Variants in MACROD2 observed in about 807,000 individuals in gnomAD.
MACROD2 encodes ADP-ribose glycohydrolase MACROD2.
Under a neutral mutation model 70.4 loss-of-function variants are expected in MACROD2, and 36 were observed. The observed-to-expected ratio is 0.51, with a 90% CI of 0.39 to 0.68. MACROD2 has a LOEUF of 0.68. Among genes scored for constraint, MACROD2 ranks in the 30% least tolerant of loss-of-function variants. The pLI, the probability that MACROD2 is intolerant of heterozygous loss-of-function variation, is 0.00. For synonymous variants in MACROD2, 172 were observed against 178.8 expected, an observed-to-expected ratio of 0.96 and a Z score of 0.30; for missense variants, 496 against 538.4, an observed-to-expected ratio of 0.92 and a Z score of 0.78.
intron 6 of MACROD2, among the ~76,000 whole-genome samples, chr20:15,296,326 G>T (rs2077588410): frequency 6.6e-6 from 1 of 152,078 alleles, no homozygotes; most frequent in Non-Finnish European, 1.5e-5. Flanking sequence ...GACAGAAAAA[G>T]AATCTATTTA....
chr20:15,351,395 AT>A (rs2078225182), intron 6 of MACROD2, among the ~76,000 whole-genome samples: 1 of 152,208 alleles, frequency 6.6e-6, no homozygotes, highest in Non-Finnish European at 1.5e-5. Flanking sequence ...ATAGAAAAAA[AT>A]ATTTTACCAG....
intron 5 of MACROD2, among the ~76,000 whole-genome samples, chr20:14,878,611 C>T (rs1229787896): frequency 6.6e-6 from 1 of 152,118 alleles, no homozygotes; most frequent in East Asian, 1.9e-4. Flanking sequence ...TTAGTTAAAA[C>T]ACAAAAGCAA....
At chr20:14,933,302 T>C (rs1039997334) in intron 5 of MACROD2, among the ~76,000 whole-genome samples, 1 of 152,206 alleles carries the variant, frequency 6.6e-6, no homozygotes, top group Admixed American at 6.5e-5. Flanking sequence ...ATAATTAAAA[T>C]GCTAGCATTG....
intron 8 of MACROD2, among the ~76,000 whole-genome samples, chr20:15,803,953 A>AG (rs1415571047): frequency 6.6e-6 from 1 of 152,266 alleles, no homozygotes; most frequent in African/African-American, 2.4e-5. Context: ...TCTTAGAATT[A>AG]GGGAAAAAGC....
intron 4 of MACROD2, among the ~76,000 whole-genome samples, chr20:14,626,063 A>T (rs1185156690): frequency 6.6e-6 from 1 of 152,110 alleles, no homozygotes; most frequent in Non-Finnish European, 1.5e-5. Flanking sequence ...TGACCTCGTG[A>T]TCTGCCCGCC....
chr20:14,152,186 A>G (rs1261325349), intron 3 of MACROD2, among the ~76,000 whole-genome samples: 2 of 152,120 alleles, frequency 1.3e-5, no homozygotes, highest in East Asian at 1.9e-4. Context: ...CTTTATGTGT[A>G]TTTCTCCATG....
intron 8 of MACROD2, among the ~76,000 whole-genome samples, chr20:15,689,460 C>G (rs2050271646): frequency 1.3e-5 from 2 of 152,042 alleles, no homozygotes; most frequent in Admixed American, 1.3e-4. Flanking sequence ...TAATAGAGAA[C>G]AACTGGGGAG....
intron 5 of MACROD2, among the ~76,000 whole-genome samples, chr20:14,951,514 A>AATAAT (rs2074476105): frequency 6.6e-6 from 1 of 152,140 alleles, no homozygotes; most frequent in Non-Finnish European, 1.5e-5. Flanking sequence ...TGTCTGTCAT[A>AATAAT]GTCATGAAGT....
intron 5 of MACROD2, among the ~76,000 whole-genome samples, chr20:14,739,534 T>A (rs914177735): frequency 6.3e-5 from 9 of 142,434 alleles, no homozygotes; most frequent in Non-Finnish European, 1.2e-4. Flanking sequence ...AAAAACAACT[T>A]ATAAGACAAA....
intron 4 of MACROD2, among the ~76,000 whole-genome samples, chr20:14,495,601 C>G (rs2123110265): frequency 6.6e-6 from 1 of 152,182 alleles, no homozygotes; most frequent in Middle Eastern, 3.4e-3. Flanking sequence ...TGGTGGTTAC[C>G]TCTATATTGT....
intron 6 of MACROD2, among the ~76,000 whole-genome samples, chr20:15,340,200 A>G (rs6043220): frequency 0.68 from 93,563 of 137,838 alleles, 32,093 homozygotes; most frequent in African/African-American, 0.82. Flanking sequence ...GTGCAGTGGC[A>G]TGATCTCGGC....
At chr20:14,461,141 G>T (rs2084365572) in intron 3 of MACROD2, among the ~76,000 whole-genome samples, 1 of 152,050 alleles carries the variant, frequency 6.6e-6, no homozygotes, top group Non-Finnish European at 1.5e-5. Context: ...ACTTCTTCCT[G>T]GTTTAGTCTT....
chr20:14,469,000 TTGA>T (rs1424923844), intron 3 of MACROD2, among the ~76,000 whole-genome samples: 1 of 152,118 alleles, frequency 6.6e-6, no homozygotes, highest in Non-Finnish European at 1.5e-5. Context: ...GTTATTTTAG[TTGA>T]TGCAGTTTCT....
At chr20:15,427,658 G>C (rs1215054145) in intron 6 of MACROD2, among the ~76,000 whole-genome samples, 2 of 152,206 alleles carry the variant, frequency 1.3e-5, no homozygotes, top group Non-Finnish European at 2.9e-5. Context: ...GGACCCTTCA[G>C]TGTTGTACTG....
intron 4 of MACROD2, among the ~76,000 whole-genome samples, chr20:14,536,327 T>C (rs2085363319): frequency 6.6e-6 from 1 of 152,192 alleles, no homozygotes; most frequent in East Asian, 1.9e-4. Flanking sequence ...TGGAGGAGTT[T>C]ACTGGGTACA....
intron 5 of MACROD2, among the ~76,000 whole-genome samples, chr20:14,953,126 C>T (rs922461274): frequency 2.0e-5 from 3 of 152,002 alleles, no homozygotes; most frequent in Non-Finnish European, 4.4e-5. Context: ...GCCTGGTCAT[C>T]TTATTTTATA....
At chr20:14,874,854 G>A (rs931122257) in intron 5 of MACROD2, among the ~76,000 whole-genome samples, 6 of 151,600 alleles carry the variant, frequency 4.0e-5, no homozygotes, top group Admixed American at 2.6e-4. Context: ...ACAGGTGTGC[G>A]CCACAACCCC....
At chr20:15,876,634 T>C (rs1034895647) in intron 9 of MACROD2, among the ~76,000 whole-genome samples, 18 of 152,296 alleles carry the variant, frequency 1.2e-4, no homozygotes, top group Admixed American at 1.2e-3. Flanking sequence ...TACCCAGTAA[T>C]GGGATGGCTG....
At chr20:14,260,704 A>T (rs1415216674) in intron 3 of MACROD2, among the ~76,000 whole-genome samples, 1 of 152,226 alleles carries the variant, frequency 6.6e-6, no homozygotes, top group Non-Finnish European at 1.5e-5. Flanking sequence ...GTTATATTTG[A>T]CACATTCCTT....
Sources: gnomAD v4.1 joint callset for allele counts (sites outside exome capture counted in the v4.1 genomes callset) on GRCh38, gnomAD v4.1.1 for gene constraint, MANE v1.5 for transcripts, NCBI Gene and HGNC (gene_info 2026-07-23, HGNC 2026-07-21) for gene names.